DST: variants seen among roughly 807,000 people sequenced by gnomAD.
DST encodes the protein dystonin.
A neutral mutation model predicts 875.2 loss-of-function variants in DST; 253 were observed. The ratio of observed to expected loss-of-function variants is 0.29; its 90% CI spans 0.26 to 0.32. The LOEUF (loss-of-function observed/expected upper bound fraction) is 0.32. DST is among the 10% of genes least tolerant of loss of function. The pLI is 1.00. For missense variants in DST, 8,287 were observed against 9,111.6 expected, an observed-to-expected ratio of 0.91 and a Z score of 3.68; for synonymous variants, 3,124 against 3,197.1, an observed-to-expected ratio of 0.98 and a Z score of 0.77.
At chr6:56,675,757 T>C (rs1279204627) in intron 9 of DST, among the ~76,000 whole-genome samples, 3 of 151,852 alleles carry the variant, frequency 2.0e-5, no homozygotes, top group South Asian at 2.1e-4. Context: ...GAGGCTGAGG[T>C]AGGGGAACCA....
rs777273906 is a variant in DST, at chr6:56,497,849, TACTC to T, written c.20094+3_20094+6del. 5.0e-6 allele frequency: 8 copies of T among 1,596,786 alleles called. No homozygotes were observed. The African/African-American group carries it at 1.1e-4, about 22-fold the overall frequency. ...TAAAAACTTTCAGAATTTATTCTCTTACTCACCTGGCGCAAGGCACCATCCAGCT... is the reference window on the plus strand; with the variant it reads ...TAAAAACTTTCAGAATTTATTCTCTTACCTGGCGCAAGGCACCATCCAGCT... On this transcript the variant is annotated splice_donor_5th_base_variant and intron_variant, in intron 81 of 103. Transcript: ENST00000680361.
intron 15 of DST, chr6:56,642,829 G>A: frequency 6.2e-7 from 1 of 1,612,266 alleles, no homozygotes; most frequent in Non-Finnish European, 8.5e-7. Flanking sequence ...ACCTTTCAAA[G>A]TAGACTAAAA....
chr6:56,511,245 G>A lies in DST; in HGVS notation c.18732C>T (p.Val6244=), dbSNP rs1206096699. Residue 6244 remains valine, a synonymous_variant, in exon 73 of 104, where the codon GTC becomes GTT. Coordinates refer to ENST00000680361, the MANE Select transcript of DST (RefSeq NM_001374736.1). ...CATCCAGTGCCACAGCACGCTTTTTGACATCTTCTTTAATTTGACTGTAAA... is the reference window on the plus strand; with the variant it reads ...CATCCAGTGCCACAGCACGCTTTTTAACATCTTCTTTAATTTGACTGTAAA... ...DTLYSQIKED[V]KKRAVALDEA... 4 of 1,595,382 alleles carry A rather than the reference G, an allele frequency of 2.5e-6. No homozygotes were observed. The highest frequency in any genetic ancestry group is 3.4e-6 in the Non-Finnish European group (4 of 1,169,850).
chr6:56,472,186 C>T lies in DST; in HGVS notation c.22031G>A (p.Gly7344Glu). ...TTTGGTTTCAATTTGTGTCTGTGACCCAGAGGGATACAAGCTTGATGCTGG... is the reference window on the plus strand; with the variant it reads ...TTTGGTTTCAATTTGTGTCTGTGACTCAGAGGGATACAAGCTTGATGCTGG... ...RFPASSLYPS[G>E]SQTQIETKNP... Residue 7344 changes from glycine to glutamate, a missense_variant, in exon 94 of 104, where the codon GGG (glycine) becomes GAG (glutamate). Around this residue, in one of 10 missense-constraint regions of DST, gnomAD observed 1,292 missense variants for 1,552.7 expected, o/e 0.83. Coordinates refer to ENST00000680361, the MANE Select transcript of DST (RefSeq NM_001374736.1). 6.2e-7 allele frequency: 1 copy of T among 1,613,790 alleles called. No homozygotes were observed.
At chr6:56,636,455 C>A in intron 23 of DST, 102 bp downstream of exon 23, 1 of 880,752 alleles carries the variant, frequency 1.1e-6, no homozygotes, top group Non-Finnish European at 1.9e-6. Context: ...TATATATACA[C>A]AGAAACACAT....
chr6:56,830,186 T>C (rs1213113316), intron 4 of DST, among the ~76,000 whole-genome samples: 1 of 152,138 alleles, frequency 6.6e-6, no homozygotes, highest in Non-Finnish European at 1.5e-5. Flanking sequence ...GATACAAAAC[T>C]GCTTAAATGT....
chr6:56,937,877 A>G (rs922131355), intron 2 of DST, among the ~76,000 whole-genome samples: 7 of 152,262 alleles, frequency 4.6e-5, no homozygotes, highest in African/African-American at 1.7e-4. Flanking sequence ...AAAAACCTTA[A>G]GCTACATGAA....
At chr6:56,484,622 C>A (rs1376908605) in intron 88 of DST, 2 of 152,082 alleles carry the variant, frequency 1.3e-5, no homozygotes, top group African/African-American at 4.8e-5. Flanking sequence ...TAGTACTATG[C>A]TTCATATTGT....
At chr6:56,703,076 G>A (rs918051134) in intron 7 of DST, among the ~76,000 whole-genome samples, 9 of 152,226 alleles carry the variant, frequency 5.9e-5, no homozygotes, top group South Asian at 2.1e-4. Context: ...TAAGAGTCAC[G>A]GAGATTAAAC....
intron 3 of DST, among the ~76,000 whole-genome samples, chr6:56,872,073 A>G (rs763899656): frequency 4.0e-4 from 61 of 152,324 alleles, no homozygotes; most frequent in Non-Finnish European, 7.2e-4. Flanking sequence ...TAATTCCACT[A>G]AGCATATACA....
chr6:56,927,908 C>T lies in DST; in HGVS notation c.216+25877G>A, dbSNP rs1112158. Among the ~76,000 whole-genome samples the T allele has an allele frequency of 3.8e-3, 575 of 152,292 alleles. 6 individuals carry two copies. The highest frequency in any genetic ancestry group is 0.013 in the African/African-American group (556 of 41,564). ...CATAAATGCAAGGAAGCAGCTACCA[C>T]CTCCAGTTTGAGGGGTTCCAAAGGA... is the stretch of plus-strand genomic sequence containing the variant. On this transcript the variant is annotated intron_variant, in intron 2 of 103. Coordinates refer to ENST00000680361, the MANE Select transcript of DST (RefSeq NM_001374736.1).
At chr6:56,897,827 A>G (rs1792191473) in intron 3 of DST, among the ~76,000 whole-genome samples, 1 of 152,046 alleles carries the variant, frequency 6.6e-6, no homozygotes, top group Non-Finnish European at 1.5e-5. Context: ...CAGTATATTT[A>G]TTCGCCCTGC....
chr6:56,668,711 T>C (rs1445457124), intron 10 of DST, among the ~76,000 whole-genome samples: 1 of 152,006 alleles, frequency 6.6e-6, no homozygotes, highest in East Asian at 1.9e-4. Context: ...GAGGTTGCAG[T>C]GAGCTGAGAT....
intron 15 of DST, 54 bp downstream of exon 15, chr6:56,645,812 C>A: frequency 1.3e-6 from 2 of 1,591,488 alleles, no homozygotes; most frequent in Non-Finnish European, 1.7e-6. Flanking sequence ...TTCACAAGAA[C>A]ACAAAGGCCC....
intron 4 of DST, among the ~76,000 whole-genome samples, chr6:56,782,339 A>T (rs970061705): frequency 6.6e-6 from 1 of 152,194 alleles, no homozygotes; most frequent in Non-Finnish European, 1.5e-5. Context: ...TTCGGCTGTG[A>T]ATCCATCTGG....
intron 5 of DST, among the ~76,000 whole-genome samples, chr6:56,726,381 A>T (rs2099458083): frequency 6.6e-6 from 1 of 152,336 alleles, no homozygotes; most frequent in South Asian, 2.1e-4. Context: ...ATTTGATTCT[A>T]TGGAAAAGAA....
intron 4 of DST, among the ~76,000 whole-genome samples, chr6:56,770,531 G>A (rs2099651858): frequency 6.6e-6 from 1 of 152,180 alleles, no homozygotes; most frequent in Non-Finnish European, 1.5e-5. Context: ...CATCCACATA[G>A]AGTTGGGGGC....
chr6:56,674,393 G>A (rs923667840), intron 9 of DST, among the ~76,000 whole-genome samples: 1 of 151,984 alleles, frequency 6.6e-6, no homozygotes, highest in East Asian at 1.9e-4. Flanking sequence ...CACCTCCCGG[G>A]TTCAAGTGAT....
chr6:56,541,833 T>C (rs778391460), intron 61 of DST, among the ~76,000 whole-genome samples: 1 of 152,116 alleles, frequency 6.6e-6, no homozygotes, highest in Non-Finnish European at 1.5e-5. Context: ...AGAACAAAAA[T>C]CTCCTTTGTC....
Sources: allele counts gnomAD v4.1 joint callset (sites outside exome capture counted in the v4.1 genomes callset), GRCh38; gene constraint gnomAD v4.1.1; regional missense constraint gnomAD v4.1.1; transcripts MANE v1.5; gene names NCBI Gene and HGNC (gene_info 2026-07-23, HGNC 2026-07-21).